The following MCM9 variants were observed in gnomAD, a reference collection of about 807,000 sequenced individuals.
MCM9 encodes minichromosome maintenance 9 homologous recombination repair factor.
A neutral mutation model predicts 72.8 loss-of-function variants in MCM9; 55 were observed. The observed-to-expected ratio is 0.76, with a 90% CI of 0.61 to 0.95. The LOEUF (loss-of-function observed/expected upper bound fraction) is 0.95, where lower values mean the gene tolerates loss of function less well. MCM9 is among the 40% of genes least tolerant of loss of function. MCM9 has a pLI of 0.00. For missense variants in MCM9, 1,279 were observed against 1,377.0 expected (o/e 0.93, Z 1.13); for synonymous variants, 480 against 503.4 (o/e 0.95, Z 0.62).
Position 118,829,069 on chromosome 6 carries a change from A to G in MCM9, c.1507T>C (p.Ser503Pro). The G allele has an allele frequency of 6.4e-7, 1 of 1,550,682 alleles. No homozygotes were observed. The change falls in exon 10 of 14, where the codon TCC becomes CCC. Residue 503 changes from serine (S) to proline (P), a missense_variant. Ser to Pro is a moderately conservative substitution (Grantham distance 74, BLOSUM62 -1). Transcript: ENST00000619706. ...KNEDWDRIIS[S>P]FILENKGYPS... Reference sequence around the variant, plus strand: ...GTACCTTTATTTTCTAAGATAAAGGAGGAAATGATACGATCCCAGTCTTCA... The same window carrying G: ...GTACCTTTATTTTCTAAGATAAAGGGGGAAATGATACGATCCCAGTCTTCA...
rs561054487 is a variant in MCM9 at position 118,818,662 on chromosome 6, A to G, written c.1962-2368T>C. Among the ~76,000 whole-genome samples the G allele has an allele frequency of 1.2e-4, 19 of 152,286 alleles. No individual in the cohort carries two copies. In the South Asian group the frequency reaches 3.9e-3, roughly 32 times the overall value. On this transcript the variant is annotated intron_variant, in intron 13 of 13. Coordinates refer to ENST00000619706, the MANE Select transcript of MCM9 (RefSeq NM_017696.3). ...TAAAGTAGTTTTTCCTAGTTCTGTG[A>G]AGAAAGTCAACGGTAGCTTGATGGG...
intron 9 of MCM9, among the ~76,000 whole-genome samples, chr6:118,831,408 G>A (rs1422758958): frequency 6.6e-6 from 1 of 151,304 alleles, no homozygotes; most frequent in Non-Finnish European, 1.5e-5. Context: ...AAAGAAAAAA[G>A]GCTGTCTGAG....
intron 9 of MCM9, among the ~76,000 whole-genome samples, chr6:118,845,260 C>T (rs1775779468): frequency 1.3e-5 from 2 of 151,876 alleles, no homozygotes; most frequent in East Asian, 1.9e-4. Flanking sequence ...GAATAAACTT[C>T]TGATGCTGTG....
intron 9 of MCM9, among the ~76,000 whole-genome samples, chr6:118,845,170 A>G (rs558105395): frequency 6.6e-6 from 1 of 152,046 alleles, no homozygotes; most frequent in South Asian, 2.1e-4. Flanking sequence ...AATAAGCCTA[A>G]AAGACCCACA....
In MCM9 at chr6:118,813,651, GAAGAGA is replaced by G. The variant is rs889242886; in HGVS notation, c.*1167_*1172del. ...AATCAGTTTACAAATTCACACTTCAGAAGAGAAAGTCCATAATTACTGAATCCTAAT... is the reference window on the plus strand; with the variant it reads ...AATCAGTTTACAAATTCACACTTCAGAAGTCCATAATTACTGAATCCTAAT... On this transcript the variant is annotated 3_prime_UTR_variant, in exon 14 of 14. Coordinates refer to ENST00000619706, the MANE Select transcript of MCM9 (RefSeq NM_017696.3). 2.7e-4 allele frequency: 41 copies of G among 152,282 alleles called. No homozygotes were observed. Among genetic ancestry groups the G allele is most frequent in the African/African-American group, 9.9e-4 (41 of 41,558 alleles). The allele number at this position is 152,282 out of a possible 1,614,324, so 9.4% of individuals were successfully genotyped here.
At chr6:118,880,110 A>C (rs954526648) in intron 8 of MCM9, among the ~76,000 whole-genome samples, 2 of 152,160 alleles carry the variant, frequency 1.3e-5, no homozygotes, top group African/African-American at 4.8e-5. Context: ...GAAATAATGA[A>C]GGACATGCAA....
intron 8 of MCM9, among the ~76,000 whole-genome samples, chr6:118,901,398 G>T (rs1366821894): frequency 6.6e-6 from 1 of 152,134 alleles, no homozygotes; most frequent in African/African-American, 2.4e-5. Flanking sequence ...AGAGATGTGT[G>T]GTCTTGGGTC....
chr6:118,816,236 G>A lies in MCM9; in HGVS notation c.2020C>T (p.Pro674Ser). ...CCTGGACCATTTCTCAAGGATCCTG[G>A]AGTAGTCTCTACCTCCAATACCCGT... ...QPRVLEVETT[P>S]GSLRNGPGEE... Residue 674 changes from proline to serine, a missense_variant, in exon 14 of 14, where the codon CCA becomes TCA. Coordinates refer to ENST00000619706, the MANE Select transcript of MCM9 (RefSeq NM_017696.3). 6.5e-7 allele frequency: 1 copy of A among 1,550,272 alleles called. No individual in the cohort carries two copies. The highest frequency in any genetic ancestry group is 1.2e-5 in the South Asian group (1 of 84,026).
intron 8 of MCM9, among the ~76,000 whole-genome samples, chr6:118,896,647 T>A (rs936430557): frequency 3.3e-5 from 5 of 152,144 alleles, no homozygotes; most frequent in African/African-American, 9.7e-5. Context: ...TTTAGTATTT[T>A]AAAAAATATT....
chr6:118,858,928 C>G (rs1172529137), intron 8 of MCM9, among the ~76,000 whole-genome samples: 1 of 152,010 alleles, frequency 6.6e-6, no homozygotes, highest in Non-Finnish European at 1.5e-5. Flanking sequence ...AATAAAGTGA[C>G]AAGGTGATTC....
chr6:118,845,526 T>A (rs1277654036), intron 9 of MCM9, among the ~76,000 whole-genome samples: 5 of 151,778 alleles, frequency 3.3e-5, no homozygotes, highest in African/African-American at 7.3e-5. Flanking sequence ...TTTAAAAAAA[T>A]TTTTTTGTTG....
chr6:118,836,465 C>T (rs143621966), intron 9 of MCM9, among the ~76,000 whole-genome samples: 116 of 152,274 alleles, frequency 7.6e-4, no homozygotes, highest in African/African-American at 2.6e-3. Context: ...GCTGTGAATC[C>T]GCCTGGTACT....
At chr6:118,874,290 T>C (rs1210246744) in intron 8 of MCM9, among the ~76,000 whole-genome samples, 1 of 152,094 alleles carries the variant, frequency 6.6e-6, no homozygotes, top group Non-Finnish European at 1.5e-5. Context: ...AATATAATCA[T>C]CAGGCCGTTG....
chr6:118,814,806 C>T lies in MCM9; in HGVS notation c.*18G>A. The T allele has an allele frequency of 6.8e-7, 1 of 1,479,362 alleles. No homozygotes were observed. The highest frequency in any genetic ancestry group is 9.0e-7 in the Non-Finnish European group (1 of 1,113,646). The allele number at this position is 1,479,362 out of a possible 1,614,324, so 91.6% of individuals were successfully genotyped here. A position where few individuals can be genotyped will look rare whatever the true frequency, so the allele number is the denominator to read the frequency against. ...TGGAGTTGAAGAAGGTGAGATTTGA[C>T]CAGAAAGCTTTTCCCAACTATGACT... On this transcript the variant is annotated 3_prime_UTR_variant, in exon 14 of 14. Transcript: ENST00000619706.
intron 8 of MCM9, chr6:118,907,427 A>G: frequency 6.2e-7 from 1 of 1,606,866 alleles, no homozygotes. Flanking sequence ...TTGGCATCTA[A>G]TCCCAGGGTC....
intron 8 of MCM9, among the ~76,000 whole-genome samples, chr6:118,875,074 T>C (rs1777851375): frequency 6.6e-6 from 1 of 151,934 alleles, no homozygotes; most frequent in South Asian, 2.1e-4. Context: ...GATCGCGCCA[T>C]TGCACTCCAG....
intron 9 of MCM9, among the ~76,000 whole-genome samples, chr6:118,838,814 G>C (rs765899643): frequency 2.0e-5 from 3 of 152,204 alleles, no homozygotes; most frequent in Non-Finnish European, 4.4e-5. Flanking sequence ...AGTCTGATGG[G>C]TTTCCCTTTG....
chr6:118,889,774 T>A (rs1778828156), intron 8 of MCM9, among the ~76,000 whole-genome samples: 1 of 152,164 alleles, frequency 6.6e-6, no homozygotes, highest in Non-Finnish European at 1.5e-5. Flanking sequence ...TTACAGTGCT[T>A]CAGAAAGCTG....
At chr6:118,826,556 C>T (rs1226429666) in intron 12 of MCM9, among the ~76,000 whole-genome samples, 7 of 152,150 alleles carry the variant, frequency 4.6e-5, no homozygotes, top group Admixed American at 3.9e-4. Context: ...GATCGAAGCG[C>T]ACTACTTTAC....
Sources: allele counts gnomAD v4.1 joint callset (sites outside exome capture counted in the v4.1 genomes callset), GRCh38; gene constraint gnomAD v4.1.1; transcripts MANE v1.5; gene names NCBI Gene and HGNC (gene_info 2026-07-23, HGNC 2026-07-21).